VOPP1: variants seen among roughly 807,000 people sequenced by gnomAD.
VOPP1 encodes WW domain binding protein VOPP1.
A neutral mutation model predicts 23.5 loss-of-function variants in VOPP1; 8 were observed. The observed-to-expected ratio is 0.34, with a 90% CI of 0.20 to 0.61. The LOEUF (loss-of-function observed/expected upper bound fraction) is 0.61, where lower values mean the gene tolerates loss of function less well. Ranked by LOEUF, VOPP1 falls within the 20% of genes least tolerant of loss-of-function variation. The probability of loss-of-function intolerance (pLI) is 0.78; values close to 1 mark genes in which losing one functional copy is unlikely to be tolerated. For missense variants in VOPP1, 174 were observed against 238.1 expected (o/e 0.73, Z 1.77); for synonymous variants, 83 against 97.3 (o/e 0.85, Z 0.86).
intron 1 of VOPP1, among the ~76,000 whole-genome samples, chr7:55,557,707 G>C (rs1797856315): frequency 6.6e-6 from 1 of 152,214 alleles, no homozygotes. Context: ...ACATAAGAAA[G>C]ACATGCTGGA....
At chr7:55,517,869 G>A (rs1795569561) in intron 2 of VOPP1, among the ~76,000 whole-genome samples, 1 of 152,180 alleles carries the variant, frequency 6.6e-6, no homozygotes, top group African/African-American at 2.4e-5. Context: ...CTTTGGAGAA[G>A]ACAGTTTTTG....
chr7:55,504,535 T>A (rs1794583533), intron 2 of VOPP1, among the ~76,000 whole-genome samples: 1 of 152,192 alleles, frequency 6.6e-6, no homozygotes, highest in South Asian at 2.1e-4. Flanking sequence ...CTCACCTGGA[T>A]CAAGGAATCC....
intron 1 of VOPP1, among the ~76,000 whole-genome samples, chr7:55,540,929 T>C (rs1356275415): frequency 6.6e-6 from 1 of 151,980 alleles, no homozygotes; most frequent in Non-Finnish European, 1.5e-5. Flanking sequence ...AAAGCAAAAG[T>C]AATGAGAAAA....
intron 2 of VOPP1, among the ~76,000 whole-genome samples, chr7:55,507,286 G>A (rs1256740032): frequency 6.6e-6 from 1 of 152,166 alleles, no homozygotes; most frequent in African/African-American, 2.4e-5. Context: ...TCAGTACACG[G>A]CAGGGCTGAG....
At chr7:55,537,007 T>C (rs1367174158) in intron 1 of VOPP1, among the ~76,000 whole-genome samples, 1 of 152,176 alleles carries the variant, frequency 6.6e-6, no homozygotes, top group Non-Finnish European at 1.5e-5. Context: ...TCAAGTCATG[T>C]CTGAGAGGCT....
intron 1 of VOPP1, among the ~76,000 whole-genome samples, chr7:55,536,244 C>G (rs1796780010): frequency 6.6e-6 from 1 of 152,194 alleles, no homozygotes; most frequent in Non-Finnish European, 1.5e-5. Context: ...AAAACTCAAG[C>G]AAGGCCGGGC....
chr7:55,509,552 A>G (rs544219133), intron 2 of VOPP1, among the ~76,000 whole-genome samples: 1 of 152,306 alleles, frequency 6.6e-6, no homozygotes, highest in East Asian at 1.9e-4. Context: ...TTAGGTTCCA[A>G]CATAGGAATT....
At chr7:55,555,360 C>T (rs142886354) in intron 1 of VOPP1, among the ~76,000 whole-genome samples, 149 of 152,322 alleles carry the variant, frequency 9.8e-4, no homozygotes, top group South Asian at 4.1e-3. Context: ...CTACCATTTC[C>T]GCACATGTGA....
chr7:55,518,262 G>T (rs202179077), intron 2 of VOPP1, among the ~76,000 whole-genome samples: 2 of 152,216 alleles, frequency 1.3e-5, no homozygotes, highest in East Asian at 3.8e-4. Flanking sequence ...CAGAGGTGGG[G>T]ACCGCACATG....
chr7:55,566,315 GT>G (rs2129057280), intron 1 of VOPP1, among the ~76,000 whole-genome samples: 1 of 152,176 alleles, frequency 6.6e-6, no homozygotes, highest in Admixed American at 6.5e-5. Flanking sequence ...AAATTACACT[GT>G]CCCCCCAAAA....
At chr7:55,510,600 T>C (rs1020223459) in intron 2 of VOPP1, among the ~76,000 whole-genome samples, 2 of 146,144 alleles carry the variant, frequency 1.4e-5, no homozygotes, top group Non-Finnish European at 3.0e-5. Flanking sequence ...TAGCTTTTAA[T>C]ATTTAACTTA....
chr7:55,530,111 T>C (rs1248737483), intron 1 of VOPP1, among the ~76,000 whole-genome samples: 1 of 152,128 alleles, frequency 6.6e-6, no homozygotes, highest in Non-Finnish European at 1.5e-5. Flanking sequence ...CTCCAAGACC[T>C]GGAGTGGAAC....
chr7:55,481,166 G>C (rs1162680137), intron 4 of VOPP1, among the ~76,000 whole-genome samples: 3 of 152,236 alleles, frequency 2.0e-5, no homozygotes, highest in Non-Finnish European at 4.4e-5. Flanking sequence ...CTTTTAGGCA[G>C]AGGAATGGCT....
rs575156048 is a variant in VOPP1, at chr7:55,483,439, C to T, written c.328+8843G>A. On this transcript the variant is annotated intron_variant, in intron 4 of 4. Coordinates refer to ENST00000285279, the MANE Select transcript of VOPP1 (RefSeq NM_030796.5). Reference sequence around the variant, plus strand: ...CTGAGTCATGAAGGGTAGGTCCTTCCCTTCACTCAACCCTTCAGTAAGTTC... The same window carrying T: ...CTGAGTCATGAAGGGTAGGTCCTTCTCTTCACTCAACCCTTCAGTAAGTTC... Among the ~76,000 whole-genome samples the T allele has an allele frequency of 3.5e-4, 54 of 152,140 alleles. 1 individual carries two copies. In the South Asian group the frequency reaches 0.011, roughly 30 times the overall value.
downstream of VOPP1, among the ~76,000 whole-genome samples, chr7:55,470,100 A>G (rs1350457468): frequency 6.6e-6 from 1 of 152,230 alleles, no homozygotes; most frequent in Admixed American, 6.5e-5. Flanking sequence ...CATTATGTCA[A>G]TTAGTGATAC....
chr7:55,444,622 T>C (rs1791049619), intron 4 of VOPP1, among the ~76,000 whole-genome samples: 1 of 152,054 alleles, frequency 6.6e-6, no homozygotes, highest in Non-Finnish European at 1.5e-5. Context: ...AAAAATACAC[T>C]CTGCCCTCCC....
intron 1 of VOPP1, chr7:55,571,907 C>T (rs1798372586): frequency 4.9e-6 from 1 of 202,972 alleles, no homozygotes; most frequent in African/African-American, 2.3e-5. Context: ...CGAGGACCAC[C>T]CCCGCCCAAC....
chr7:55,572,456 G>C lies in VOPP1; in HGVS notation c.-132C>G, dbSNP rs936678298. Reference sequence around the variant, plus strand: ...CGCCGACCGCTGGGGGGCCCGGCTGGGAGCGGGCGGGAGCCGGGGCGCGCC... The same window carrying C: ...CGCCGACCGCTGGGGGGCCCGGCTGCGAGCGGGCGGGAGCCGGGGCGCGCC... On this transcript the variant is annotated 5_prime_UTR_variant, in exon 1 of 5. Coordinates refer to ENST00000285279, the MANE Select transcript of VOPP1 (RefSeq NM_030796.5). 10 of 515,682 alleles carry C rather than the reference G, an allele frequency of 1.9e-5. No individual in the cohort carries two copies. In the African/African-American group the frequency reaches 2.1e-4, roughly 11 times the overall value. 31.9% of individuals were successfully genotyped at this position (515,682 alleles called of 1,614,324 possible). A position where few individuals can be genotyped will look rare whatever the true frequency, so the allele number is the denominator to read the frequency against.
At chr7:55,449,535 C>T (rs190948718) in intron 4 of VOPP1, among the ~76,000 whole-genome samples, 1 of 152,224 alleles carries the variant, frequency 6.6e-6, no homozygotes, top group African/African-American at 2.4e-5. Flanking sequence ...CCAGCGGGCG[C>T]AGGACAGATG....
Sources: allele counts gnomAD v4.1 joint callset (sites outside exome capture counted in the v4.1 genomes callset), GRCh38; gene constraint gnomAD v4.1.1; transcripts MANE v1.5; gene names NCBI Gene and HGNC (gene_info 2026-07-23, HGNC 2026-07-21).